The following ZFYVE28 variants were observed in gnomAD, a reference collection of about 807,000 sequenced individuals.
ZFYVE28 encodes zinc finger FYVE-type containing 28.
A neutral mutation model predicts 82.1 loss-of-function variants in ZFYVE28; 40 were observed. The ratio of observed to expected loss-of-function variants is 0.49; its 90% CI spans 0.38 to 0.63. The LOEUF is 0.63. Among genes scored for constraint, ZFYVE28 ranks in the 30% least tolerant of loss-of-function variants. The probability of loss-of-function intolerance (pLI) is 0.00; values close to 1 mark genes in which losing one functional copy is unlikely to be tolerated. For missense variants in ZFYVE28, 1,321 were observed against 1,242.1 expected (o/e 1.06, Z -0.96); for synonymous variants, 612 against 546.1 (o/e 1.12, Z -1.68).
chr4:2,380,493 T>C (rs1032465491), intron 1 of ZFYVE28, among the ~76,000 whole-genome samples: 1 of 152,214 alleles, frequency 6.6e-6, no homozygotes, highest in African/African-American at 2.4e-5. Flanking sequence ...TTCAATTTTA[T>C]TGAAGTCAAA....
In ZFYVE28 at chr4:2,304,870, G is replaced by A. The variant is rs1426764562; in HGVS notation, c.1470C>T (p.Gly490=). Residue 490 remains glycine (G), a synonymous_variant, in exon 8 of 13, where the codon GGC becomes GGT. Transcript: ENST00000290974. ...SCLDSRLHLD[G]WEVGADDAET... is the part of the protein sequence containing the mutation. ...CTGCGTCATCCGCACCCACCTCCCA[G>A]CCGTCCAGGTGCAGCCGCGAGTCCA... is the stretch of plus-strand genomic sequence containing the variant. 6.2e-7 allele frequency: 1 copy of A among 1,612,662 alleles called. No individual in the cohort carries two copies. The highest frequency in any genetic ancestry group is 8.5e-7 in the Non-Finnish European group (1 of 1,179,858).
At chr4:2,396,052 C>G (rs114993236) in intron 1 of ZFYVE28, among the ~76,000 whole-genome samples, 1,872 of 150,496 alleles carry the variant, frequency 0.012, 95 homozygotes, top group East Asian at 0.059. Flanking sequence ...ATGGGACAAG[C>G]TATCCTGCAG....
At chr4:2,317,880 G>A (rs555340503) in intron 7 of ZFYVE28, among the ~76,000 whole-genome samples, 55 of 152,242 alleles carry the variant, frequency 3.6e-4, no homozygotes, top group Admixed American at 1.6e-3. Context: ...TGATCCATCC[G>A]CCTGGGCCTC....
chr4:2,327,768 A>G (rs2108843971), intron 6 of ZFYVE28, among the ~76,000 whole-genome samples: 1 of 152,286 alleles, frequency 6.6e-6, no homozygotes, highest in African/African-American at 2.4e-5. Context: ...CCATCCTTGC[A>G]TTTCAGGGAT....
chr4:2,350,429 A>G (rs1484165210), intron 2 of ZFYVE28, among the ~76,000 whole-genome samples: 1 of 151,872 alleles, frequency 6.6e-6, no homozygotes, highest in Admixed American at 6.6e-5. Flanking sequence ...GCGCCACTGC[A>G]CTCCAGCCTG....
At chr4:2,290,156 G>C (rs936703149) in intron 8 of ZFYVE28, among the ~76,000 whole-genome samples, 4 of 152,198 alleles carry the variant, frequency 2.6e-5, no homozygotes, top group South Asian at 2.1e-4. Context: ...TCACGTGCAA[G>C]ATCTCCTCAG....
At position 2,369,833 on chromosome 4, in the gene ZFYVE28, ATT is replaced by A. The variant is rs56355501; in HGVS notation, c.40-15762_40-15761del. 9.6e-4 allele frequency among the ~76,000 whole-genome samples: 88 copies of A among 92,010 alleles called. 1 individual carries two copies. The highest frequency in any genetic ancestry group is 2.3e-3 in the East Asian group (6 of 2,600). The allele number at this position is 92,010 out of a possible 152,430, so 60.4% of individuals were successfully genotyped here. On this transcript the variant is annotated intron_variant, in intron 1 of 12. Coordinates refer to ENST00000290974, the MANE Select transcript of ZFYVE28 (RefSeq NM_020972.3). Reference sequence around the variant, plus strand: ...GGTCTCCAGAACTTTGAAAGAAGGGATTTTTTTTTTTCTTTTCTTTTTTTTTT... The same window carrying A: ...GGTCTCCAGAACTTTGAAAGAAGGGATTTTTTTTTCTTTTCTTTTTTTTTT...
intron 6 of ZFYVE28, among the ~76,000 whole-genome samples, chr4:2,329,737 T>G (rs907035310): frequency 6.6e-6 from 1 of 152,248 alleles, no homozygotes; most frequent in Non-Finnish European, 1.5e-5. Flanking sequence ...TTTTTGTGCT[T>G]AATACACTGG....
At chr4:2,358,394 C>T (rs1299426738) in intron 1 of ZFYVE28, among the ~76,000 whole-genome samples, 1 of 152,200 alleles carries the variant, frequency 6.6e-6, no homozygotes, top group East Asian at 1.9e-4. Flanking sequence ...GAAACGGGCG[C>T]TCATCACCAA....
In ZFYVE28 at chr4:2,280,657, T is replaced by A. The variant is rs138521223; in HGVS notation, c.2052-6441A>T. ...AGGTAAATTATCATTTTCTAAAGTCTCATCGCGGATCAAGTATTGCTTTTG... is the reference window on the plus strand; with the variant it reads ...AGGTAAATTATCATTTTCTAAAGTCACATCGCGGATCAAGTATTGCTTTTG... On this transcript the variant is annotated intron_variant, in intron 8 of 12. Coordinates refer to ENST00000290974, the MANE Select transcript of ZFYVE28 (RefSeq NM_020972.3). Among the ~76,000 whole-genome samples, 4 of 152,366 alleles carry A rather than the reference T, an allele frequency of 2.6e-5. No homozygotes were observed. In the East Asian group the frequency reaches 7.7e-4, roughly 29 times the overall value.
Position 2,335,814 on chromosome 4 carries a change from G to A in ZFYVE28, c.612-20C>T, listed in dbSNP as rs997851425. 6.4e-7 allele frequency: 1 copy of A among 1,550,400 alleles called. No individual in the cohort carries two copies. The highest frequency in any genetic ancestry group is 1.4e-5 in the African/African-American group (1 of 73,388). ...AGGGCCCTGTCCGGGGAGACGGACA[G>A]TGAGCAGCATGAGGGCTGGCCCACC... On this transcript the variant is annotated intron_variant, in intron 5 of 12. Coordinates refer to ENST00000290974, the MANE Select transcript of ZFYVE28 (RefSeq NM_020972.3). The surrounding 1 kb of genome is among the most constrained non-coding windows in gnomAD (Gnocchi z 5.8).
intron 6 of ZFYVE28, among the ~76,000 whole-genome samples, chr4:2,323,252 G>A (rs1286403439): frequency 1.3e-5 from 2 of 152,190 alleles, no homozygotes; most frequent in Non-Finnish European, 2.9e-5. Flanking sequence ...TGGTGGGTGT[G>A]AAGTGGCATC....
intron 8 of ZFYVE28, among the ~76,000 whole-genome samples, chr4:2,295,342 T>C (rs1714380313): frequency 6.6e-6 from 1 of 151,956 alleles, no homozygotes; most frequent in African/African-American, 2.4e-5. Flanking sequence ...TTGTATTTTT[T>C]TTTTTTTTAG....
chr4:2,312,348 G>T (rs933610212), intron 7 of ZFYVE28, among the ~76,000 whole-genome samples: 3 of 152,094 alleles, frequency 2.0e-5, no homozygotes, highest in Non-Finnish European at 4.4e-5. Flanking sequence ...AACCAGCCTG[G>T]GCAACATAGT....
Position 2,271,434 on chromosome 4 carries a change from G to A in ZFYVE28, c.2429-20C>T, listed in dbSNP as rs369352839. 107 of 1,609,480 alleles carry A rather than the reference G, an allele frequency of 6.6e-5. No homozygotes were observed. The highest frequency in any genetic ancestry group is 5.5e-4 in the African/African-American group (41 of 74,994). ...GGGGGTCTGTCACAACAACAGCAGC[G>A]TCACATCAGCGACGGCAGGAGCAGG... is the stretch of plus-strand genomic sequence containing the variant. On this transcript the variant is annotated intron_variant, in intron 11 of 12. Transcript: ENST00000290974.
At chr4:2,310,966 C>T (rs1318958179) in intron 7 of ZFYVE28, among the ~76,000 whole-genome samples, 1 of 152,074 alleles carries the variant, frequency 6.6e-6, no homozygotes, top group African/African-American at 2.4e-5. Flanking sequence ...ATGAATTCAA[C>T]TTCTTTAATA....
At chr4:2,367,770 G>C (rs548285431) in intron 1 of ZFYVE28, among the ~76,000 whole-genome samples, 4 of 152,326 alleles carry the variant, frequency 2.6e-5, no homozygotes, top group Admixed American at 2.6e-4. Context: ...CACACTGGAA[G>C]CCATACTCAA....
chr4:2,393,062 G>A (rs766569045), intron 1 of ZFYVE28, among the ~76,000 whole-genome samples: 2 of 152,236 alleles, frequency 1.3e-5, no homozygotes, highest in Admixed American at 6.5e-5. Flanking sequence ...TGAAAGGGCC[G>A]CAGGCTGCGT....
intron 1 of ZFYVE28, among the ~76,000 whole-genome samples, chr4:2,377,076 C>T (rs921898693): frequency 8.6e-5 from 13 of 151,404 alleles, no homozygotes; most frequent in African/African-American, 2.2e-4. Context: ...GGCTGGAGTG[C>T]AGTGGCGCGA....
Sources: gnomAD v4.1 joint callset for allele counts (sites outside exome capture counted in the v4.1 genomes callset) on GRCh38, gnomAD v4.1.1 for gene constraint, Gnocchi (gnomAD v3.1) non-coding constraint, MANE v1.5 for transcripts, NCBI Gene and HGNC (gene_info 2026-07-23, HGNC 2026-07-21) for gene names.